RYR2: variants seen among roughly 807,000 people sequenced by gnomAD.
The protein encoded by RYR2 is cardiac muscle ryanodine receptor-calcium release channel.
In RYR2, 227 loss-of-function variants were observed where a neutral mutation model predicts 601.1. That is an observed-to-expected ratio of 0.38 (90% CI 0.34 to 0.42). RYR2 has a LOEUF of 0.42. Ranked by LOEUF, RYR2 falls within the 10% of genes least tolerant of loss-of-function variation. The probability of loss-of-function intolerance (pLI) is 1.00; values close to 1 mark genes in which losing one functional copy is unlikely to be tolerated. For missense variants in RYR2, 4,646 were observed against 6,156.5 expected (o/e 0.75, Z 8.21); for synonymous variants, 2,223 against 2,175.1 (o/e 1.02, Z -0.61).
At chr1:237,535,592 A>G (rs543900571) in intron 25 of RYR2, among the ~76,000 whole-genome samples, 1 of 152,102 alleles carries the variant, frequency 6.6e-6, no homozygotes, top group Admixed American at 6.6e-5. Context: ...TTCACAGTTT[A>G]TTTTCTGATG....
At chr1:237,515,985 C>T (rs544471861) in intron 24 of RYR2, among the ~76,000 whole-genome samples, 101 of 150,446 alleles carry the variant, frequency 6.7e-4, no homozygotes, top group African/African-American at 2.4e-3. Flanking sequence ...TCTTCTCCTC[C>T]CTCTTCTTTT....
At chr1:237,824,228 A>C (rs921014741) in intron 101 of RYR2, among the ~76,000 whole-genome samples, 2 of 152,344 alleles carry the variant, frequency 1.3e-5, no homozygotes, top group South Asian at 2.1e-4. Context: ...CAACAAAAAA[A>C]GAAAATTTCA....
chr1:237,146,870 GGAATTTCTTTCTGGTTAAAAGTTA>G (rs1433708413), intron 1 of RYR2, among the ~76,000 whole-genome samples: 1 of 151,992 alleles, frequency 6.6e-6, no homozygotes, highest in Non-Finnish European at 1.5e-5. Context: ...AGCTTCTTTT[GGAATTTCTTTCTGGTTAAAAGTTA>G]GAATAATTGC....
intron 38 of RYR2, among the ~76,000 whole-genome samples, chr1:237,621,279 C>G (rs547451423): frequency 7.2e-5 from 11 of 152,122 alleles, no homozygotes; most frequent in Non-Finnish European, 1.5e-4. Flanking sequence ...AGGGAAATTT[C>G]TAACACTCAA....
chr1:237,307,679 T>C (rs903798321), intron 2 of RYR2, among the ~76,000 whole-genome samples: 9 of 152,336 alleles, frequency 5.9e-5, no homozygotes, highest in South Asian at 4.1e-4. Context: ...CTTTGACCCT[T>C]AGAGTCTGTT....
At chr1:237,741,063 T>A (rs1401233106) in intron 79 of RYR2, among the ~76,000 whole-genome samples, 2 of 152,220 alleles carry the variant, frequency 1.3e-5, no homozygotes, top group Non-Finnish European at 2.9e-5. Context: ...GCTTTTGTGA[T>A]GAAATGTGCA....
intron 98 of RYR2, among the ~76,000 whole-genome samples, chr1:237,803,543 G>A (rs557082097): frequency 1.8e-4 from 28 of 152,044 alleles, no homozygotes; most frequent in East Asian, 7.8e-4. Context: ...CTCGTGAACC[G>A]ACCGCCTTGG....
At chr1:237,767,710 C>A (rs1218982594) in intron 84 of RYR2, among the ~76,000 whole-genome samples, 2 of 152,134 alleles carry the variant, frequency 1.3e-5, no homozygotes, top group African/African-American at 2.4e-5. Flanking sequence ...ATAATTGAAG[C>A]AGTCATACTT....
In RYR2 at chr1:237,634,921, G is replaced by T; in HGVS notation, c.6721G>T (p.Asp2241Tyr). ...SPAMRGSTPL[D>Y]VAAASVMDNN... ...AGCTATGAGAGGTTCAACACCACTG[G>T]ATGTGGCTGCAGCTTCGGTGATGGA... is the stretch of plus-strand genomic sequence containing the variant. The change falls in exon 44 of 105, where the codon GAT becomes TAT. Residue 2241 changes from aspartate (D) to tyrosine (Y), a missense_variant. By Grantham distance (160) the Asp-to-Tyr change is radical. Around this residue, in one of 17 missense-constraint regions of RYR2, gnomAD observed 137 missense variants for 273.6 expected, o/e 0.50. Transcript: ENST00000366574. 1.2e-6 allele frequency: 2 copies of T among 1,609,574 alleles called. No homozygotes were observed. The highest frequency in any genetic ancestry group is 1.7e-6 in the Non-Finnish European group (2 of 1,177,962).
At chr1:237,792,366 T>TGTGTGTGA in intron 94 of RYR2, 43 bp downstream of exon 94, 1 of 803,570 alleles carries the variant, frequency 1.2e-6, no homozygotes, top group Non-Finnish European at 1.8e-6. Context: ...TGTGTGTGTG[T>TGTGTGTGA]GTGTGTGTGT....
intron 101 of RYR2, among the ~76,000 whole-genome samples, chr1:237,820,337 G>A (rs1236601651): frequency 6.6e-6 from 1 of 152,148 alleles, no homozygotes; most frequent in Non-Finnish European, 1.5e-5. Flanking sequence ...TCATCTCACT[G>A]GGACTGGTTG....
intron 80 of RYR2, among the ~76,000 whole-genome samples, chr1:237,752,766 C>T (rs1004186967): frequency 3.3e-5 from 5 of 152,092 alleles, no homozygotes; most frequent in Non-Finnish European, 5.9e-5. Context: ...CTTTTTATTT[C>T]GTATAATATT....
chr1:237,184,812 G>T (rs1391583311), intron 1 of RYR2, among the ~76,000 whole-genome samples: 2 of 151,550 alleles, frequency 1.3e-5, no homozygotes, highest in Non-Finnish European at 2.9e-5. Flanking sequence ...CTATGGTCTT[G>T]CTGAAAGTGA....
intron 1 of RYR2, among the ~76,000 whole-genome samples, chr1:237,107,518 T>A (rs1188754330): frequency 5.4e-4 from 2 of 3,696 alleles, no homozygotes; most frequent in Admixed American, 0.017. Flanking sequence ...AGACTCCATC[T>A]CAAAAAAAAA....
At chr1:237,270,777 C>T (rs536144788) in intron 2 of RYR2, among the ~76,000 whole-genome samples, 161 bp downstream of exon 2, 30 of 152,148 alleles carry the variant, frequency 2.0e-4, no homozygotes, top group Non-Finnish European at 3.8e-4. Context: ...TTAATTGAGT[C>T]TCTCCTGGGT....
At chr1:237,197,322 A>G (rs1254356876) in intron 1 of RYR2, among the ~76,000 whole-genome samples, 2 of 152,218 alleles carry the variant, frequency 1.3e-5, no homozygotes, top group African/African-American at 4.8e-5. Flanking sequence ...ATTTCAATAC[A>G]CTGTATCAAG....
intron 3 of RYR2, among the ~76,000 whole-genome samples, chr1:237,343,164 G>A (rs909351143): frequency 7.2e-5 from 11 of 152,026 alleles, no homozygotes; most frequent in African/African-American, 1.4e-4. Flanking sequence ...TCGAGGCTGC[G>A]GTGAGCTGTG....
chr1:237,379,622 T>A (rs549906182), intron 8 of RYR2, among the ~76,000 whole-genome samples: 281 of 152,326 alleles, frequency 1.8e-3, no homozygotes, highest in Middle Eastern at 3.4e-3. Context: ...TTTATTGTTT[T>A]TTTTATTTTA....
At chr1:237,588,019 A>G (rs1674722761) in intron 29 of RYR2, among the ~76,000 whole-genome samples, 2 of 152,340 alleles carry the variant, frequency 1.3e-5, no homozygotes, top group East Asian at 1.9e-4. Context: ...ACACAATACA[A>G]TAGATTTTTT....
Sources: gnomAD v4.1 joint callset for allele counts (sites outside exome capture counted in the v4.1 genomes callset) on GRCh38, gnomAD v4.1.1 for gene constraint, gnomAD v4.1.1 regional missense constraint, MANE v1.5 for transcripts, NCBI Gene and HGNC (gene_info 2026-07-23, HGNC 2026-07-21) for gene names.